The following CCDC60 variants were observed in gnomAD, a reference collection of about 807,000 sequenced individuals.
CCDC60 encodes the protein coiled-coil domain containing 60, also known as coiled-coil domain-containing protein 60.
Under a neutral mutation model 63.5 loss-of-function variants are expected in CCDC60, and 54 were observed. The ratio of observed to expected loss-of-function variants is 0.85; its 90% CI spans 0.68 to 1.07. CCDC60 has a LOEUF of 1.07. Among genes scored for constraint, CCDC60 ranks in the 50% least tolerant of loss-of-function variants. The probability of loss-of-function intolerance (pLI) is 0.00; values close to 1 mark genes in which losing one functional copy is unlikely to be tolerated. For missense variants in CCDC60, 651 were observed against 684.3 expected (o/e 0.95, Z 0.54); for synonymous variants, 206 against 238.8 (o/e 0.86, Z 1.27).
chr12:119,400,773 C>T (rs543540666), intron 1 of CCDC60, among the ~76,000 whole-genome samples: 20 of 152,366 alleles, frequency 1.3e-4, no homozygotes, highest in Non-Finnish European at 2.4e-4. Flanking sequence ...TTGAGCAGCA[C>T]TGGATTTGGC....
intron 7 of CCDC60, among the ~76,000 whole-genome samples, chr12:119,512,642 C>A (rs1357699245): frequency 6.6e-6 from 1 of 152,216 alleles, no homozygotes; most frequent in African/African-American, 2.4e-5. Context: ...TGCATGAAAC[C>A]AACATCGGCC....
At chr12:119,498,665 G>C (rs548194351) in intron 5 of CCDC60, among the ~76,000 whole-genome samples, 1 of 152,216 alleles carries the variant, frequency 6.6e-6, no homozygotes, top group African/African-American at 2.4e-5. Flanking sequence ...TCTGCTAGGC[G>C]AGAGCTAGAC....
chr12:119,436,370 G>A (rs1485436111), intron 2 of CCDC60, among the ~76,000 whole-genome samples: 3 of 152,022 alleles, frequency 2.0e-5, no homozygotes, highest in Non-Finnish European at 4.4e-5. Context: ...TAAGAGAAAG[G>A]GATGCCAGAG....
intron 2 of CCDC60, chr12:119,433,679 C>A: frequency 1.5e-6 from 1 of 682,016 alleles, no homozygotes; most frequent in South Asian, 1.6e-5. Flanking sequence ...CTTTGTTTCC[C>A]CTCCTGTTGG....
At chr12:119,452,473 A>G (rs1399561023) in intron 2 of CCDC60, among the ~76,000 whole-genome samples, 5 of 152,226 alleles carry the variant, frequency 3.3e-5, no homozygotes, top group African/African-American at 1.2e-4. Flanking sequence ...TGCTCCACCC[A>G]GACTGGGTAC....
intron 2 of CCDC60, among the ~76,000 whole-genome samples, chr12:119,441,495 T>A (rs1383694363): frequency 6.6e-6 from 1 of 152,178 alleles, no homozygotes. Context: ...CTCATCAGCA[T>A]CAGAAGAAGG....
chr12:119,463,592 T>C lies in CCDC60; in HGVS notation c.171-8402T>C, dbSNP rs181119688. Among the ~76,000 whole-genome samples, 320 of 152,136 alleles carry C rather than the reference T, an allele frequency of 2.1e-3. 1 individual carries two copies. The highest frequency in any genetic ancestry group is 2.7e-3 in the Non-Finnish European group (182 of 67,986). The stretch of plus-strand genomic sequence containing the variant: ...CCCAAGAATGGAAAGATCAGGAGAG[T>C]GAGGCACAAAACTGCTGGTAAGAAG... On this transcript the variant is annotated intron_variant, in intron 2 of 13. Transcript: ENST00000327554.
intron 2 of CCDC60, among the ~76,000 whole-genome samples, chr12:119,445,433 CAAAAAAAA>C (rs58415660): frequency 7.4e-5 from 2 of 27,198 alleles, no homozygotes; most frequent in Non-Finnish European, 1.3e-4. Flanking sequence ...GACTCCATCT[CAAAAAAAA>C]AAAAAAAAAA....
intron 1 of CCDC60, among the ~76,000 whole-genome samples, chr12:119,371,100 G>A (rs1377329072): frequency 1.3e-5 from 2 of 152,132 alleles, no homozygotes; most frequent in Non-Finnish European, 2.9e-5. Flanking sequence ...ATGCCTCAGC[G>A]ATTGGATGGG....
At position 119,528,743 on chromosome 12, in the gene CCDC60, A is replaced by G. The variant is rs1952759637; in HGVS notation, c.1358A>G (p.His453Arg). 2 of 1,613,224 alleles carry G rather than the reference A, an allele frequency of 1.2e-6. No individual in the cohort carries two copies. Among genetic ancestry groups the G allele is most frequent in the Non-Finnish European group, 1.7e-6 (2 of 1,179,598 alleles). Residue 453 changes from histidine to arginine, a missense_variant, in exon 12 of 14, where the codon CAC becomes CGC. Transcript: ENST00000327554. ...GGAGATGCAGAAGAAATTGCAGACCACTGGTAAATATCCTAAGAACCAGAT... is the reference window on the plus strand; with the variant it reads ...GGAGATGCAGAAGAAATTGCAGACCGCTGGTAAATATCCTAAGAACCAGAT... ...VKGDAEEIAD[H>R]WYFDLLSKLP...
chr12:119,409,888 C>G (rs1466889234), intron 1 of CCDC60, among the ~76,000 whole-genome samples: 1 of 150,916 alleles, frequency 6.6e-6, no homozygotes, highest in Non-Finnish European at 1.5e-5. Flanking sequence ...CCCTCTTTTC[C>G]CACCTCCCTC....
intron 8 of CCDC60, among the ~76,000 whole-genome samples, chr12:119,519,401 A>ATATGTG (rs1381105667): frequency 1.5e-5 from 2 of 136,412 alleles, no homozygotes; most frequent in Non-Finnish European, 3.1e-5. Flanking sequence ...AGTGATATAT[A>ATATGTG]TGTGTGTGTG....
chr12:119,340,959 A>G (rs1168637970), intron 1 of CCDC60, among the ~76,000 whole-genome samples: 1 of 152,214 alleles, frequency 6.6e-6, no homozygotes, highest in Admixed American at 6.5e-5. Flanking sequence ...CCATTTTTAT[A>G]TCACTCATGA....
At chr12:119,509,687 C>T (rs553389106) in intron 7 of CCDC60, among the ~76,000 whole-genome samples, 36 of 151,648 alleles carry the variant, frequency 2.4e-4, no homozygotes, top group African/African-American at 8.7e-4. Context: ...GATGATAAAA[C>T]TATAACTAAC....
At chr12:119,470,355 G>A (rs1458670486) in intron 2 of CCDC60, among the ~76,000 whole-genome samples, 1 of 152,138 alleles carries the variant, frequency 6.6e-6, no homozygotes, top group Non-Finnish European at 1.5e-5. Context: ...TTATTGCTTT[G>A]TGCAGCCCCA....
chr12:119,519,401 ATGTGTGTGTGTG>A (rs141127258), intron 8 of CCDC60, among the ~76,000 whole-genome samples: 45 of 136,484 alleles, frequency 3.3e-4, no homozygotes, highest in Non-Finnish European at 4.5e-4. Context: ...AGTGATATAT[ATGTGTGTGTGTG>A]TGTGTGTGTG....
intron 7 of CCDC60, among the ~76,000 whole-genome samples, chr12:119,513,915 A>G (rs1310590325): frequency 6.6e-6 from 1 of 152,112 alleles, no homozygotes; most frequent in African/African-American, 2.4e-5. Flanking sequence ...TTTATTTTCT[A>G]TTGTAATTTT....
chr12:119,499,242 T>TC (rs1847541514), intron 5 of CCDC60, among the ~76,000 whole-genome samples: 1 of 152,180 alleles, frequency 6.6e-6, no homozygotes, highest in Non-Finnish European at 1.5e-5. Context: ...CCTACTGGGC[T>TC]TCAGTCTCCT....
intron 1 of CCDC60, among the ~76,000 whole-genome samples, chr12:119,417,364 G>A (rs1341176649): frequency 1.3e-5 from 2 of 152,164 alleles, no homozygotes; most frequent in Non-Finnish European, 2.9e-5. Flanking sequence ...TAACCAGCCT[G>A]GGATGTTGCC....
Sources: gnomAD v4.1 joint callset for allele counts (sites outside exome capture counted in the v4.1 genomes callset) on GRCh38, gnomAD v4.1.1 for gene constraint, MANE v1.5 for transcripts, NCBI Gene and HGNC (gene_info 2026-07-23, HGNC 2026-07-21) for gene names.